The following SGTA variants were observed in gnomAD, a reference collection of about 807,000 sequenced individuals.
SGTA encodes small glutamine-rich tetratricopeptide repeat-containing protein alpha.
SGTA carries 22 observed loss-of-function variants against 44.3 expected under a neutral mutation model. That is an observed-to-expected ratio of 0.50 (90% CI 0.36 to 0.71). SGTA has a LOEUF of 0.71. Among genes scored for constraint, SGTA ranks in the 30% least tolerant of loss-of-function variants. The pLI is 0.00. For synonymous variants in SGTA, 174 were observed against 177.6 expected (o/e 0.98, Z 0.16); for missense variants, 341 against 435.9 (o/e 0.78, Z 1.94).
At chr19:2,762,711 T>C in intron 6 of SGTA, 67 bp from the exon 7 acceptor site, 1 of 1,589,620 alleles carries the variant, frequency 6.3e-7, no homozygotes, top group Non-Finnish European at 8.6e-7. Flanking sequence ...GCCAAAGCCC[T>C]CGTCCCCGGC....
intron 1 of SGTA, among the ~76,000 whole-genome samples, chr19:2,775,812 ACGGTGTGGGGATCACAG>A (rs1252412663): frequency 1.1e-4 from 17 of 152,324 alleles, no homozygotes; most frequent in African/African-American, 4.1e-4. Flanking sequence ...ACTGAATTTC[ACGGTGTGGGGATCACAG>A]CGGTGTGGGA....
chr19:2,767,776 TC>T lies in SGTA; in HGVS notation c.101-91del. The T allele has an allele frequency of 1.1e-6, 1 of 947,644 alleles. No homozygotes were observed. The highest frequency in any genetic ancestry group is 1.7e-6 in the Non-Finnish European group (1 of 592,302). 58.7% of individuals were successfully genotyped at this position (947,644 alleles called of 1,614,324 possible). A position where few individuals can be genotyped will look rare whatever the true frequency, so the allele number is the denominator to read the frequency against. The stretch of plus-strand genomic sequence containing the variant: ...AGAGGGCGGGGTTGGTGCTCATGCT[TC>T]CCCAGGTGTGTTCATTCCCAAGGAC... On this transcript the variant is annotated intron_variant, in intron 2 of 11. Transcript: ENST00000221566. This position sits in a 1 kb window ranked among gnomAD's most constrained non-coding sequence, Gnocchi z 7.3.
Position 2,765,021 on chromosome 19 carries a change from C to A in SGTA, c.392+165G>T, listed in dbSNP as rs907096206. Among the ~76,000 whole-genome samples the A allele has an allele frequency of 2.0e-5, 3 of 152,148 alleles. No homozygotes were observed. Among genetic ancestry groups the A allele is most frequent in the African/African-American group, 7.2e-5 (3 of 41,416 alleles). ...TTAAATCAGCATCGACTCTCCCCGACCCCGTTGCTGGTCACCTGATGCTCG... is the reference window on the plus strand; with the variant it reads ...TTAAATCAGCATCGACTCTCCCCGAACCCGTTGCTGGTCACCTGATGCTCG... On this transcript the variant is annotated intron_variant, in intron 5 of 11. Coordinates refer to ENST00000221566, the MANE Select transcript of SGTA (RefSeq NM_003021.4). The surrounding 1 kb of genome is among the most constrained non-coding windows in gnomAD (Gnocchi z 5.5).
At chr19:2,774,717 A>G (rs887504728) in intron 1 of SGTA, among the ~76,000 whole-genome samples, 1 of 152,152 alleles carries the variant, frequency 6.6e-6, no homozygotes, top group Non-Finnish European at 1.5e-5. Context: ...CCTGGCCTCA[A>G]GCAATCCTCC....
At chr19:2,772,120 T>C (rs1356200256) in intron 1 of SGTA, among the ~76,000 whole-genome samples, 1 of 152,200 alleles carries the variant, frequency 6.6e-6, no homozygotes, top group Non-Finnish European at 1.5e-5. Context: ...CCAAGACGCA[T>C]GAGGCAAGGG....
chr19:2,781,327 A>G (rs878893), intron 1 of SGTA, among the ~76,000 whole-genome samples: 42,087 of 152,080 alleles, frequency 0.28, 6,366 homozygotes, highest in East Asian at 0.66. Context: ...AGTGCTGTAC[A>G]TGCGATAGCT....
Position 2,758,145 on chromosome 19 carries a change from C to T in SGTA, c.738-363G>A, listed in dbSNP as rs906021432. 3.9e-5 allele frequency among the ~76,000 whole-genome samples: 6 copies of T among 152,304 alleles called. No individual in the cohort carries two copies. The South Asian group carries it at 1.2e-3, about 32-fold the overall frequency. ...GTGGATGGAGGCTAGAGACAGTGCT[C>T]AGCACCCTGCAGTGCCCAGGACGGC... On this transcript the variant is annotated intron_variant, in intron 9 of 11. Coordinates refer to ENST00000221566, the MANE Select transcript of SGTA (RefSeq NM_003021.4).
At chr19:2,780,714 T>C (rs769814179) in intron 1 of SGTA, among the ~76,000 whole-genome samples, 2 of 152,310 alleles carry the variant, frequency 1.3e-5, no homozygotes, top group Non-Finnish European at 2.9e-5. Flanking sequence ...AAGCCTGCGA[T>C]TGTTGAAAAA....
chr19:2,781,742 C>T (rs1415895910), intron 1 of SGTA, among the ~76,000 whole-genome samples: 1 of 152,162 alleles, frequency 6.6e-6, no homozygotes, highest in African/African-American at 2.4e-5. Flanking sequence ...CCATTTCTCT[C>T]TGCACGAAAT....
At chr19:2,757,647 G>T in intron 10 of SGTA, 46 bp downstream of exon 10, 1 of 1,483,942 alleles carries the variant, frequency 6.7e-7, no homozygotes, top group Non-Finnish European at 9.0e-7. Flanking sequence ...TGCGAGCCCT[G>T]CCCGCCGCCC....
At chr19:2,756,035 G>A in intron 11 of SGTA, 102 bp from the exon 12 acceptor site, 1 of 611,100 alleles carries the variant, frequency 1.6e-6, no homozygotes, top group Non-Finnish European at 2.0e-6. Flanking sequence ...ACAGCCAGGG[G>A]CCACAGCGGC....
At chr19:2,757,557 G>A (rs1314823705) in intron 10 of SGTA, 100 bp from the exon 11 acceptor site, 2 of 1,510,264 alleles carry the variant, frequency 1.3e-6, no homozygotes, top group Admixed American at 2.1e-5. Context: ...CCCAAAGACA[G>A]GCCTGACCCC....
rs1304700891 is a variant in SGTA, at chr19:2,755,930, G to A, written c.*10C>T. On this transcript the variant is annotated 3_prime_UTR_variant, in exon 12 of 12. Coordinates refer to ENST00000221566, the MANE Select transcript of SGTA (RefSeq NM_003021.4). The surrounding 1 kb of genome is among the most constrained non-coding windows in gnomAD (Gnocchi z 5.2). ...AGGGAAGGACGCGGTCACACCGGGA[G>A]CAGCTGGAAGGGGACAGACATGAAG... The A allele has an allele frequency of 1.0e-6, 1 of 985,874 alleles. No homozygotes were observed. Among genetic ancestry groups the A allele is most frequent in the Non-Finnish European group, 1.2e-6 (1 of 830,290 alleles). 61.1% of individuals were successfully genotyped at this position (985,874 alleles called of 1,614,324 possible). A position where few individuals can be genotyped will look rare whatever the true frequency, so the allele number is the denominator to read the frequency against.
intron 1 of SGTA, among the ~76,000 whole-genome samples, chr19:2,776,522 T>C (rs1328550452): frequency 2.0e-5 from 3 of 151,992 alleles, no homozygotes; most frequent in African/African-American, 2.4e-5. Context: ...AAAAGTGGAA[T>C]TGGGGGTGCC....
At chr19:2,771,188 G>A (rs1433193283) in intron 1 of SGTA, among the ~76,000 whole-genome samples, 1 of 152,246 alleles carries the variant, frequency 6.6e-6, no homozygotes, top group African/African-American at 2.4e-5. Context: ...CACTTTGGGA[G>A]GCCGAGGCAG....
Position 2,765,843 on chromosome 19 carries a change from C to T in SGTA, c.293-558G>A, listed in dbSNP as rs1018579288. Among the ~76,000 whole-genome samples, 5 of 150,706 alleles carry T rather than the reference C, an allele frequency of 3.3e-5. No individual in the cohort carries two copies. The highest frequency in any genetic ancestry group is 1.2e-4 in the African/African-American group (5 of 40,594). On this transcript the variant is annotated intron_variant, in intron 4 of 11. Coordinates refer to ENST00000221566, the MANE Select transcript of SGTA (RefSeq NM_003021.4). This position sits in a 1 kb window ranked among gnomAD's most constrained non-coding sequence, Gnocchi z 5.5. ...CCCCCGAGATCCCAATTCAGGAGGGCGTGGGGGGAAGATGGGTATCAGCGT... is the reference window on the plus strand; with the variant it reads ...CCCCCGAGATCCCAATTCAGGAGGGTGTGGGGGGAAGATGGGTATCAGCGT...
intron 11 of SGTA, among the ~76,000 whole-genome samples, chr19:2,757,101 TG>T (rs1413863010): frequency 6.6e-6 from 1 of 151,660 alleles, no homozygotes; most frequent in Non-Finnish European, 1.5e-5. Flanking sequence ...GGGAAAGGAG[TG>T]GGGAGCAGGA....
intron 1 of SGTA, among the ~76,000 whole-genome samples, chr19:2,782,190 C>G (rs548118402): frequency 4.5e-4 from 68 of 152,302 alleles, no homozygotes; most frequent in African/African-American, 1.6e-3. Context: ...CAACCCTGGC[C>G]TCCACCAACT....
intron 11 of SGTA, among the ~76,000 whole-genome samples, chr19:2,756,213 AAAAAG>A (rs1291101844): frequency 6.6e-6 from 1 of 152,146 alleles, no homozygotes; most frequent in African/African-American, 2.4e-5. Context: ...CAACTATTAA[AAAAAG>A]AAAAGGAAAA....
Sources: gnomAD v4.1 joint callset for allele counts (sites outside exome capture counted in the v4.1 genomes callset) on GRCh38, gnomAD v4.1.1 for gene constraint, Gnocchi (gnomAD v3.1) non-coding constraint, MANE v1.5 for transcripts, NCBI Gene and HGNC (gene_info 2026-07-23, HGNC 2026-07-21) for gene names.